RAPGEF1: variants seen among roughly 807,000 people sequenced by gnomAD.
The protein encoded by RAPGEF1 is CRK SH3-binding GNRP.
RAPGEF1 carries 33 observed loss-of-function variants against 143.3 expected under a neutral mutation model. That is an observed-to-expected ratio of 0.23 (90% CI 0.17 to 0.31). The LOEUF (loss-of-function observed/expected upper bound fraction) is 0.31, where lower values mean the gene tolerates loss of function less well. RAPGEF1 is among the 10% of genes least tolerant of loss of function. The pLI is 1.00. For synonymous variants in RAPGEF1, 629 were observed against 676.5 expected, an observed-to-expected ratio of 0.93 and a Z score of 1.09; for missense variants, 1,199 against 1,645.4, an observed-to-expected ratio of 0.73 and a Z score of 4.69.
chr9:131,695,403 AT>A (rs1238216080), intron 1 of RAPGEF1, among the ~76,000 whole-genome samples: 1 of 152,224 alleles, frequency 6.6e-6, no homozygotes, highest in East Asian at 1.9e-4. Context: ...TGGATGAGCC[AT>A]TTAGTGTAGA....
At chr9:131,661,622 A>G (rs1974132165) in intron 1 of RAPGEF1, among the ~76,000 whole-genome samples, 1 of 152,248 alleles carries the variant, frequency 6.6e-6, no homozygotes, top group African/African-American at 2.4e-5. Flanking sequence ...TAACCCAGAT[A>G]CAAAGGTCTA....
chr9:131,621,905 T>C lies in RAPGEF1; in HGVS notation c.1796A>G (p.Lys599Arg), dbSNP rs774429776. The C allele has an allele frequency of 6.2e-7, 1 of 1,613,792 alleles. No homozygotes were observed. The highest frequency in any genetic ancestry group is 8.5e-7 in the Non-Finnish European group (1 of 1,179,816). The part of the protein sequence containing the change: ...TPQNEHIYQQ[K>R]NKLLMEVYGF... ...GTATACCTCCATGAGGAGCTTGTTC[T>C]TCTGCTGGTAGATGTGCTCGTTCTG... is the stretch of plus-strand genomic sequence containing the variant. The change falls in exon 11 of 27, where the codon AAG becomes AGG. Residue 599 changes from lysine to arginine, a missense_variant. Physicochemically the swap from Lys to Arg is conservative, Grantham distance 26. Coordinates refer to ENST00000683357, the MANE Select transcript of RAPGEF1 (RefSeq NM_001377935.1). The surrounding 1 kb of genome is among the most constrained non-coding windows in gnomAD (Gnocchi z 4.5).
At chr9:131,604,882 A>G in intron 13 of RAPGEF1, 49 bp downstream of exon 13, 1 of 1,241,700 alleles carries the variant, frequency 8.1e-7, no homozygotes, top group Non-Finnish European at 1.0e-6. Flanking sequence ...CCCCATGTGC[A>G]GGGGTGTGTG....
At chr9:131,705,629 C>T (rs781776753) in intron 1 of RAPGEF1, among the ~76,000 whole-genome samples, 5 of 152,058 alleles carry the variant, frequency 3.3e-5, no homozygotes, top group Non-Finnish European at 7.4e-5. Flanking sequence ...TCAGATTTCT[C>T]GACCACGAGA....
chr9:131,725,932 G>C (rs1382836907), intron 1 of RAPGEF1, among the ~76,000 whole-genome samples: 2 of 151,774 alleles, frequency 1.3e-5, no homozygotes, highest in African/African-American at 2.4e-5. Flanking sequence ...CTAATTTTTT[G>C]TATTTTTTAG....
chr9:131,714,568 T>C (rs1835726876), intron 1 of RAPGEF1, among the ~76,000 whole-genome samples: 1 of 152,162 alleles, frequency 6.6e-6, no homozygotes, highest in Non-Finnish European at 1.5e-5. Flanking sequence ...ACTGTGGGAA[T>C]GTTCCAAGTG....
At chr9:131,719,000 CT>C (rs952599823) in intron 1 of RAPGEF1, among the ~76,000 whole-genome samples, 1 of 152,068 alleles carries the variant, frequency 6.6e-6, no homozygotes, top group Non-Finnish European at 1.5e-5. Context: ...GAGGTTGTGG[CT>C]TTTTGTGTGT....
At chr9:131,734,026 G>A (rs1422170150) in intron 1 of RAPGEF1, among the ~76,000 whole-genome samples, 1 of 152,202 alleles carries the variant, frequency 6.6e-6, no homozygotes. Flanking sequence ...CTACAGCACT[G>A]TTAATGTGAC....
intron 15 of RAPGEF1, 70 bp from the exon 16 acceptor site, chr9:131,598,380 A>G: frequency 7.3e-7 from 1 of 1,374,076 alleles, no homozygotes; most frequent in Non-Finnish European, 1.0e-6. Flanking sequence ...AGGCCAAGGC[A>G]GTGCCGGTGT....
At position 131,629,157 on chromosome 9, in the gene RAPGEF1, C is replaced by T. The variant is rs1964154902; in HGVS notation, c.838G>A (p.Glu280Lys). 1 of 1,614,060 alleles carries T rather than the reference C, an allele frequency of 6.2e-7. No homozygotes were observed. The highest frequency in any genetic ancestry group is 1.3e-5 in the African/African-American group (1 of 75,074). The change falls in exon 7 of 27, where the codon GAA becomes AAA. Residue 280 changes from glutamate (E) to lysine (K), a missense_variant. Glu to Lys is a moderately conservative substitution (Grantham distance 56). This residue lies in a region of RAPGEF1 where 613 missense variants were observed against 710.9 expected (regional missense o/e 0.86). Transcript: ENST00000683357. ...GGAGGCTTGGGGGGCGCGACCTCTT[C>T]ATCCGTGGCATCTGGGAGGAGCTCA... The part of the protein sequence containing the change: ...STELLPDATD[E>K]EVAPPKPPLP...
At chr9:131,728,890 C>G (rs372642504) in intron 1 of RAPGEF1, among the ~76,000 whole-genome samples, 4 of 152,226 alleles carry the variant, frequency 2.6e-5, no homozygotes, top group South Asian at 4.1e-4. Flanking sequence ...TTAATTCTCC[C>G]TCAATACCAT....
intron 12 of RAPGEF1, among the ~76,000 whole-genome samples, chr9:131,614,444 C>A (rs1447553355): frequency 6.6e-6 from 1 of 152,258 alleles, no homozygotes; most frequent in Non-Finnish European, 1.5e-5. Context: ...TCTCCCCTTT[C>A]CTGTTTGGCC....
chr9:131,671,468 T>C (rs1288314821), intron 1 of RAPGEF1, among the ~76,000 whole-genome samples: 3 of 152,240 alleles, frequency 2.0e-5, no homozygotes, highest in Non-Finnish European at 2.9e-5. Flanking sequence ...GGGGTTGCAA[T>C]GTGGCTGAGC....
intron 14 of RAPGEF1, among the ~76,000 whole-genome samples, chr9:131,603,639 A>G (rs1490870311): frequency 6.6e-6 from 1 of 152,308 alleles, no homozygotes; most frequent in East Asian, 1.9e-4. Flanking sequence ...TAAGGGAGGA[A>G]GGAACCCCAC....
chr9:131,591,222 G>C (rs771320990), intron 18 of RAPGEF1, among the ~76,000 whole-genome samples: 19 of 152,254 alleles, frequency 1.2e-4, no homozygotes, highest in Non-Finnish European at 1.9e-4. Flanking sequence ...AACACGAGGG[G>C]AGAATAGGAG....
At chr9:131,704,321 C>G (rs1834889035) in intron 1 of RAPGEF1, among the ~76,000 whole-genome samples, 2 of 150,528 alleles carry the variant, frequency 1.3e-5, no homozygotes, top group South Asian at 4.3e-4. Flanking sequence ...GGCTGGAATC[C>G]AAACATTTCT....
intron 1 of RAPGEF1, among the ~76,000 whole-genome samples, chr9:131,715,738 C>T (rs997155602): frequency 2.6e-5 from 4 of 151,752 alleles, no homozygotes; most frequent in African/African-American, 9.7e-5. Flanking sequence ...GTGGTGAGCA[C>T]CTGTACTCCC....
At chr9:131,609,728 G>A (rs1377381617) in intron 12 of RAPGEF1, among the ~76,000 whole-genome samples, 1 of 152,170 alleles carries the variant, frequency 6.6e-6, no homozygotes, top group African/African-American at 2.4e-5. Flanking sequence ...TTCATTAAAA[G>A]GCAAAGCTGC....
intron 1 of RAPGEF1, among the ~76,000 whole-genome samples, chr9:131,670,626 C>T (rs1831224550): frequency 6.6e-6 from 1 of 152,212 alleles, no homozygotes. Context: ...CCCGGCTGTG[C>T]TAGCACCTGG....
Sources: gnomAD v4.1 joint callset for allele counts (sites outside exome capture counted in the v4.1 genomes callset) on GRCh38, gnomAD v4.1.1 for gene constraint, gnomAD v4.1.1 regional missense constraint, Gnocchi (gnomAD v3.1) non-coding constraint, MANE v1.5 for transcripts, NCBI Gene and HGNC (gene_info 2026-07-23, HGNC 2026-07-21) for gene names.